SLC16A3: variants seen among roughly 807,000 people sequenced by gnomAD.
The protein encoded by SLC16A3 is monocarboxylate transporter 4.
Under a neutral mutation model 25.0 loss-of-function variants are expected in SLC16A3, and 22 were observed. The observed-to-expected ratio is 0.88, with a 90% CI of 0.63 to 1.26. The LOEUF (loss-of-function observed/expected upper bound fraction) is 1.26. SLC16A3 is among the 50% of genes most tolerant of loss of function. SLC16A3 has a pLI of 0.00. For missense variants in SLC16A3, 731 were observed against 666.6 expected, an observed-to-expected ratio of 1.10 and a Z score of -1.06; for synonymous variants, 390 against 309.2, an observed-to-expected ratio of 1.26 and a Z score of -2.74.
At chr17:82,228,914 A>T (rs1403554720), upstream of SLC16A3, 1 of 148,796 alleles carries the variant, frequency 6.7e-6, no homozygotes, top group Non-Finnish European at 1.5e-5. Context: ...GCGGCCCGGG[A>T]GCCCGTCCGG....
Position 82,236,022 on chromosome 17 carries a change from T to C in SLC16A3, c.14T>C (p.Val5Ala). 1.2e-6 allele frequency: 2 copies of C among 1,611,836 alleles called. No individual in the cohort carries two copies. Among genetic ancestry groups the C allele is most frequent in the East Asian group, 2.2e-5 (1 of 44,874 alleles). Residue 5 changes from valine to alanine, a missense_variant, in exon 2 of 5, where the codon GTG (valine) becomes GCG (alanine). Coordinates refer to ENST00000582743, the MANE Select transcript of SLC16A3 (RefSeq NM_004207.4). ...ACCCTCCTGGCCATGGGAGGGGCCG[T>C]GGTGGACGAGGGCCCCACAGGCGTC... MGGA[V>A]VDEGPTGVKA...
In SLC16A3 at chr17:82,223,177, A is replaced by ATTATT. The variant is rs1555786361; in HGVS notation, c.-27+4993_-27+4994insTTATT. On this transcript the variant is annotated intron_variant, in intron 1 of 4. Coordinates refer to the SLC16A3 transcript ENST00000580098. ...TACAAGAGCTCTACCTTAATTAATT[A>ATTATT]ATTATTATTATTATTATTTCTGAGA... Among the ~76,000 whole-genome samples the ATTATT allele has an allele frequency of 8.0e-3, 1,218 of 151,858 alleles. 18 individuals carry two copies. The highest frequency in any genetic ancestry group is 0.027 in the African/African-American group (1,108 of 41,290).
chr17:82,225,276 A>AT (rs1187393189), upstream of SLC16A3, among the ~76,000 whole-genome samples: 1 of 152,004 alleles, frequency 6.6e-6, no homozygotes, highest in Non-Finnish European at 1.5e-5. Flanking sequence ...AATAATAATA[A>AT]TATGTATTTT....
chr17:82,238,581 A>G, intron 4 of SLC16A3, 121 bp from the exon 5 acceptor site: 3 of 1,006,906 alleles, frequency 3.0e-6, no homozygotes, highest in Non-Finnish European at 4.1e-6. Flanking sequence ...CAGCCCCACA[A>G]GCTCAGAGGC....
In SLC16A3 at chr17:82,238,838, G is replaced by A. The variant is rs747581280; in HGVS notation, c.1260G>A (p.Glu420=). The change falls in exon 5 of 5, where the codon GAG becomes GAA. Residue 420 remains glutamate, a synonymous_variant. Coordinates refer to ENST00000582743, the MANE Select transcript of SLC16A3 (RefSeq NM_004207.4). ...AGAAGCCCAAAGAGCCACAGCCTGA[G>A]GTGGCGGCCGCGGAGGAGGAGAAGC... ...IRKKPKEPQP[E]VAAAEEEKLH... is the part of the protein sequence containing the mutation. 1.2e-6 allele frequency: 2 copies of A among 1,612,722 alleles called. No homozygotes were observed. The highest frequency in any genetic ancestry group is 1.7e-6 in the Non-Finnish European group (2 of 1,179,780).
Position 82,237,388 on chromosome 17 carries a change from G to C in SLC16A3, c.618G>C (p.Pro206=). The change falls in exon 4 of 5, where the codon CCG becomes CCC. Residue 206 remains proline, a synonymous_variant. Coordinates refer to ENST00000582743, the MANE Select transcript of SLC16A3 (RefSeq NM_004207.4). The part of the protein sequence containing the change: ...LMRPLVVTAQ[P]GSGPPRPSRR... ...GGCCCCTGGTGGTCACGGCCCAGCC[G>C]GGCTCGGGGCCGCCGCGACCCTCCC... The C allele has an allele frequency of 2.6e-6, 4 of 1,547,372 alleles. No homozygotes were observed. Among genetic ancestry groups the C allele is most frequent in the Admixed American group, 1.9e-5 (1 of 51,906 alleles).
chr17:82,227,534 C>T (rs112121020), upstream of SLC16A3, among the ~76,000 whole-genome samples: 1,166 of 151,936 alleles, frequency 7.7e-3, 22 homozygotes, highest in African/African-American at 0.025. Context: ...TGCTCTCCCT[C>T]CTCAGAAACT....
upstream of SLC16A3, among the ~76,000 whole-genome samples, chr17:82,227,989 C>T (rs954908504): frequency 6.6e-6 from 1 of 152,218 alleles, no homozygotes; most frequent in South Asian, 2.1e-4. Context: ...CCTCCCCTTG[C>T]CCTCTGGAGG....
chr17:82,236,373 GC>G (rs2050601979), intron 2 of SLC16A3, 142 bp downstream of exon 2: 2 of 802,178 alleles, frequency 2.5e-6, no homozygotes, highest in African/African-American at 3.4e-5. Flanking sequence ...CCAGGATCCT[GC>G]TGGGCAGCAA....
intron 1 of SLC16A3, chr17:82,230,540 C>G (rs965520314): frequency 1.3e-5 from 2 of 152,750 alleles, no homozygotes; most frequent in Non-Finnish European, 2.9e-5. Flanking sequence ...CTATGGATCC[C>G]AGCCCAGCCG....
Position 82,239,058 on chromosome 17 carries a change from C to A in SLC16A3, c.*82C>A. ...CTATTTATTTTACAAACTGGACTGG[C>A]TCAGGCAGGGCCACGGCTGGGCTCC... On this transcript the variant is annotated 3_prime_UTR_variant, in exon 5 of 5. Transcript: ENST00000582743. 7.2e-7 allele frequency: 1 copy of A among 1,379,676 alleles called. No homozygotes were observed. Among genetic ancestry groups the A allele is most frequent in the Non-Finnish European group, 9.7e-7 (1 of 1,032,788 alleles). 85.5% of individuals were successfully genotyped at this position (1,379,676 alleles called of 1,614,324 possible).
chr17:82,222,536 G>C (rs1285234194), intron 1 of SLC16A3, among the ~76,000 whole-genome samples: 2 of 152,226 alleles, frequency 1.3e-5, no homozygotes, highest in Non-Finnish European at 2.9e-5. Context: ...GGGTGTGGTG[G>C]CTCATGCCTG....
In SLC16A3 at chr17:82,237,676, G is replaced by A; in HGVS notation, c.906G>A (p.Met302Ile). Residue 302 changes from methionine (M) to isoleucine (I), a missense_variant, in exon 4 of 5, where the codon ATG becomes ATA. Transcript: ENST00000582743. The part of the protein sequence containing the change: ...PYSVYLFSFS[M>I]FFNGLADLAG... The stretch of plus-strand genomic sequence containing the variant: ...CCGTCTACCTCTTCAGCTTCTCCAT[G>A]TTCTTCAACGGCCTCGCGGACCTGG... 1 of 1,612,856 alleles carries A rather than the reference G, an allele frequency of 6.2e-7. No individual in the cohort carries two copies. Among genetic ancestry groups the A allele is most frequent in the Non-Finnish European group, 8.5e-7 (1 of 1,179,800 alleles).
intron 1 of SLC16A3, chr17:82,230,552 C>A (rs2050477082): frequency 6.5e-6 from 1 of 152,720 alleles, no homozygotes; most frequent in African/African-American, 2.4e-5. Context: ...GCCCAGCCGT[C>A]AGGCCGGACG....
At chr17:82,237,942 G>C (rs1228000043) in intron 4 of SLC16A3, 49 bp downstream of exon 4, 6 of 1,572,694 alleles carry the variant, frequency 3.8e-6, no homozygotes, top group Non-Finnish European at 5.1e-6. Flanking sequence ...CTTCCCGTCA[G>C]ACGCCCGCTT....
chr17:82,237,689 C>G lies in SLC16A3; in HGVS notation c.919C>G (p.Leu307Val). Residue 307 changes from leucine to valine, a missense_variant, in exon 4 of 5, where the codon CTC becomes GTC. By Grantham distance (32) the Leu-to-Val change is conservative. Coordinates refer to ENST00000582743, the MANE Select transcript of SLC16A3 (RefSeq NM_004207.4). ...LFSFSMFFNG[L>V]ADLAGSTAGD... The stretch of plus-strand genomic sequence containing the variant: ...CAGCTTCTCCATGTTCTTCAACGGC[C>G]TCGCGGACCTGGCGGGTTCTACGGC... The G allele has an allele frequency of 6.2e-7, 1 of 1,612,866 alleles. No individual in the cohort carries two copies. Among genetic ancestry groups the G allele is most frequent in the South Asian group, 1.1e-5 (1 of 91,078 alleles).
At chr17:82,237,098 G>T in intron 3 of SLC16A3, 40 bp from the exon 4 acceptor site, 2 of 1,476,752 alleles carry the variant, frequency 1.4e-6, no homozygotes, top group Non-Finnish European at 1.8e-6. Context: ...GGGCTTTGGG[G>T]CAGCCTTGGG....
Position 82,240,035 on chromosome 17 carries a change from G to A in SLC16A3, c.*1059G>A. On this transcript the variant is annotated 3_prime_UTR_variant, in exon 5 of 5. Transcript: ENST00000582743. ...CGGGTGCCCTGGCGGGCCGCGTGCA[G>A]CCGGAGAGATGCCATGTCCCTGCTC... 1 of 1,233,824 alleles carries A rather than the reference G, an allele frequency of 8.1e-7. No individual in the cohort carries two copies. Among genetic ancestry groups the A allele is most frequent in the Non-Finnish European group, 1.0e-6 (1 of 987,916 alleles). 76.4% of individuals were successfully genotyped at this position (1,233,824 alleles called of 1,614,324 possible).
chr17:82,230,767 G>C (rs1363601287), intron 1 of SLC16A3: 1 of 152,314 alleles, frequency 6.6e-6, no homozygotes, highest in Non-Finnish European at 1.5e-5. Context: ...CCCTGGGGCA[G>C]GGGCGGGGCG....
Sources: gnomAD v4.1 joint callset for allele counts (sites outside exome capture counted in the v4.1 genomes callset) on GRCh38, gnomAD v4.1.1 for gene constraint, MANE v1.5 for transcripts, NCBI Gene and HGNC (gene_info 2026-07-23, HGNC 2026-07-21) for gene names.